RSPH14: variants seen among roughly 807,000 people sequenced by gnomAD.
The protein encoded by RSPH14 is rhabdoid tumor deletion region gene 1.
Under a neutral mutation model 26.7 loss-of-function variants are expected in RSPH14, and 20 were observed. The observed-to-expected ratio is 0.75, with a 90% CI of 0.53 to 1.09. RSPH14 has a LOEUF of 1.09. RSPH14 is among the 50% of genes least tolerant of loss of function. RSPH14 has a pLI of 0.00. For missense variants in RSPH14, 449 were observed against 457.2 expected (o/e 0.98, Z 0.16); for synonymous variants, 177 against 189.3 (o/e 0.93, Z 0.53).
rs1167813228 is a variant in RSPH14, at chr22:23,115,958, G to C, written c.421+18068C>G. Among the ~76,000 whole-genome samples, 3 of 152,224 alleles carry C rather than the reference G, an allele frequency of 2.0e-5. No homozygotes were observed. In the East Asian group the frequency reaches 5.8e-4, roughly 29 times the overall value. ...TGAAGATGACAAGGCAGTGCGGTTG[G>C]CTGAGGGCCTGGGCCAGGCCAAGCA... On this transcript the variant is annotated intron_variant, in intron 4 of 6. Coordinates refer to ENST00000216036, the MANE Select transcript of RSPH14 (RefSeq NM_014433.3).
intron 4 of RSPH14, among the ~76,000 whole-genome samples, chr22:23,120,809 C>T (rs975119539): frequency 3.9e-5 from 6 of 152,180 alleles, no homozygotes; most frequent in African/African-American, 1.4e-4. Flanking sequence ...CCTCAAGCTC[C>T]ATCACCTGGC....
Position 23,089,220 on chromosome 22 carries a change from G to A in RSPH14, c.422-25087C>T, listed in dbSNP as rs746030343. Among the ~76,000 whole-genome samples, 14 of 152,306 alleles carry A rather than the reference G, an allele frequency of 9.2e-5. 1 individual carries two copies. The highest frequency in any genetic ancestry group is 2.6e-4 in the Admixed American group (4 of 15,302). Reference sequence around the variant, plus strand: ...AAGTCTTCCCGCCCCTGGCTTAGCCGGCTTGGGCAGTGAGACCTTCGGTGA... The same window carrying A: ...AAGTCTTCCCGCCCCTGGCTTAGCCAGCTTGGGCAGTGAGACCTTCGGTGA... On this transcript the variant is annotated intron_variant, in intron 4 of 6. Coordinates refer to ENST00000216036, the MANE Select transcript of RSPH14 (RefSeq NM_014433.3).
At chr22:23,133,956 T>C (rs772908797) in intron 4 of RSPH14, 70 bp downstream of exon 4, 1 of 1,033,792 alleles carries the variant, frequency 9.7e-7, no homozygotes, top group South Asian at 1.3e-5. Context: ...CTGGTACATA[T>C]GTGACCTGGA....
upstream of RSPH14, among the ~76,000 whole-genome samples, chr22:23,147,420 C>T (rs141456999): frequency 5.9e-5 from 9 of 152,066 alleles, no homozygotes; most frequent in Non-Finnish European, 1.2e-4. Flanking sequence ...TCCTCTAACT[C>T]CTGGGCTGAA....
chr22:23,095,615 G>C lies in RSPH14; in HGVS notation c.422-31482C>G, dbSNP rs1460314103. On this transcript the variant is annotated intron_variant, in intron 4 of 6. Transcript: ENST00000216036. ...CTCCAGGGCAGCTGGGCTCTTGTCT[G>C]CCTGGTCTCAGTGTCCCCTGTGGCA... The C allele has an allele frequency of 6.1e-6, 9 of 1,480,244 alleles. No homozygotes were observed. In the African/African-American group the frequency reaches 1.3e-4, roughly 21 times the overall value. The allele number at this position is 1,480,244 out of a possible 1,614,324, so 91.7% of individuals were successfully genotyped here. A position where few individuals can be genotyped will look rare whatever the true frequency, so the allele number is the denominator to read the frequency against.
intron 4 of RSPH14, among the ~76,000 whole-genome samples, chr22:23,087,933 T>C (rs2068862017): frequency 6.6e-6 from 1 of 152,340 alleles, no homozygotes; most frequent in Admixed American, 6.5e-5. Flanking sequence ...ATTTCTAATC[T>C]TGTGGCTAAT....
the RSPH14 span, chr22:23,162,717 C>G: frequency 1.5e-5 from 7 of 456,286 alleles, no homozygotes; most frequent in Non-Finnish European, 3.1e-5. Context: ...CCGTCTCGTG[C>G]TGTTGCTTCC....
At chr22:23,092,181 G>A (rs1158329286) in intron 4 of RSPH14, among the ~76,000 whole-genome samples, 1 of 152,154 alleles carries the variant, frequency 6.6e-6, no homozygotes, top group Non-Finnish European at 1.5e-5. Flanking sequence ...CTGGGACTTG[G>A]GGAGTCCTAG....
chr22:23,141,986 C>G lies in RSPH14; in HGVS notation c.-90G>C. ...CCCTTTCTGCTTCCAGTAGCCCGCGCCACTGGCCAACCTATTCAGTTGCCA... is the reference window on the plus strand; with the variant it reads ...CCCTTTCTGCTTCCAGTAGCCCGCGGCACTGGCCAACCTATTCAGTTGCCA... On this transcript the variant is annotated 5_prime_UTR_variant, in exon 1 of 7. Transcript: ENST00000216036. 1.0e-6 allele frequency: 1 copy of G among 985,642 alleles called. No homozygotes were observed. The highest frequency in any genetic ancestry group is 1.7e-5 in the African/African-American group (1 of 57,388). The allele number at this position is 985,642 out of a possible 1,614,324, so 61.1% of individuals were successfully genotyped here.
chr22:23,145,482 C>T (rs759396188), upstream of RSPH14: 18 of 1,608,914 alleles, frequency 1.1e-5, no homozygotes, highest in Non-Finnish European at 1.5e-5. Context: ...CTCTCGTTGC[C>T]ATGGTGATCG....
chr22:23,145,458 C>T (rs1427462931), upstream of RSPH14: 9 of 1,610,326 alleles, frequency 5.6e-6, no homozygotes, highest in Non-Finnish European at 5.9e-6. Flanking sequence ...GTGTAGCCCG[C>T]AGGTCCCGCG....
At position 23,140,273 on chromosome 22, in the gene RSPH14, A is replaced by G. The variant is rs4822360; in HGVS notation, c.148T>C (p.Leu50=). ...TCGGGGTCATGCATGAGGTCACACAAGGCCATGAGGGCTTTCTGCCTCGTC... is the reference window on the plus strand; with the variant it reads ...TCGGGGTCATGCATGAGGTCACACAGGGCCATGAGGGCTTTCTGCCTCGTC... ...LQTRQKALMA[L]CDLMHDPECI... Residue 50 remains leucine (L), a synonymous_variant, in exon 2 of 7, where the codon TTG becomes CTG. Transcript: ENST00000216036. 0.55 allele frequency: 883,605 copies of G among 1,613,788 alleles called. 243,999 individuals are homozygous for G. The highest frequency in any genetic ancestry group is 0.65 in the African/African-American group (48,500 of 74,980).
chr22:23,075,491 A>G (rs3788339), intron 4 of RSPH14, among the ~76,000 whole-genome samples: 34,415 of 152,176 alleles, frequency 0.23, 5,399 homozygotes, highest in African/African-American at 0.44. Flanking sequence ...TCACACAGCA[A>G]TGGCTTCTTT....
chr22:23,080,452 ATGGGGACAC>A (rs1277505615), intron 4 of RSPH14, among the ~76,000 whole-genome samples: 1 of 152,198 alleles, frequency 6.6e-6, no homozygotes, highest in Non-Finnish European at 1.5e-5. Flanking sequence ...TGTCTGTAGG[ATGGGGACAC>A]TGTGTTCACT....
intron 4 of RSPH14, among the ~76,000 whole-genome samples, chr22:23,104,909 G>A (rs1439409982): frequency 6.6e-6 from 1 of 152,156 alleles, no homozygotes; most frequent in Non-Finnish European, 1.5e-5. Context: ...ATCTCAGGGG[G>A]GACACCCAGT....
chr22:23,134,014 A>G lies in RSPH14; in HGVS notation c.421+12T>C. ...AGTGCCCGACAGATCTGTGTGCAGG[A>G]CGCAAGCCTACCTCTAGGCACCTGG... On this transcript the variant is annotated intron_variant, in intron 4 of 6. Transcript: ENST00000216036. 1.2e-6 allele frequency: 2 copies of G among 1,600,552 alleles called. No homozygotes were observed. The highest frequency in any genetic ancestry group is 2.2e-5 in the East Asian group (1 of 44,770).
the RSPH14 span, chr22:23,161,117 T>A: frequency 7.8e-7 from 1 of 1,282,434 alleles, no homozygotes; most frequent in Non-Finnish European, 1.1e-6. Context: ...TCTCCTGTCC[T>A]TTGACCCTCC....
At chr22:23,145,348 A>G, upstream of RSPH14, 1 of 1,584,682 alleles carries the variant, frequency 6.3e-7, no homozygotes, top group Middle Eastern at 1.7e-4. Flanking sequence ...CCCAGACTCC[A>G]GGCAGGTTCT....
intron 4 of RSPH14, among the ~76,000 whole-genome samples, chr22:23,102,827 G>A (rs1166439267): frequency 6.6e-6 from 1 of 152,178 alleles, no homozygotes; most frequent in Non-Finnish European, 1.5e-5. Context: ...CCATGATGAC[G>A]TTGTCAGGTG....
Sources: allele counts gnomAD v4.1 joint callset (sites outside exome capture counted in the v4.1 genomes callset), GRCh38; gene constraint gnomAD v4.1.1; transcripts MANE v1.5; gene names NCBI Gene and HGNC (gene_info 2026-07-23, HGNC 2026-07-21).